SEMA3A: variants seen among roughly 807,000 people sequenced by gnomAD.
SEMA3A encodes the protein semaphorin 3A.
A neutral mutation model predicts 97.9 loss-of-function variants in SEMA3A; 29 were observed. The observed-to-expected ratio is 0.30, with a 90% confidence interval of 0.22 to 0.40. The LOEUF (loss-of-function observed/expected upper bound fraction) is 0.40. Ranked by LOEUF, SEMA3A falls within the 10% of genes least tolerant of loss-of-function variation. The pLI is 1.00. For missense variants in SEMA3A, 763 were observed against 951.3 expected, an observed-to-expected ratio of 0.80 and a Z score of 2.60; for synonymous variants, 321 against 323.7, an observed-to-expected ratio of 0.99 and a Z score of 0.09.
chr7:84,159,714 T>TA (rs144548483), intron 1 of SEMA3A, among the ~76,000 whole-genome samples: 5 of 151,020 alleles, frequency 3.3e-5, no homozygotes, highest in East Asian at 3.9e-4. Flanking sequence ...GAATAAACCA[T>TA]AAAAAAAAAT....
At chr7:84,401,859 T>C (rs1803913460) in intron 1 of SEMA3A, among the ~76,000 whole-genome samples, 1 of 152,132 alleles carries the variant, frequency 6.6e-6, no homozygotes, top group South Asian at 2.1e-4. Flanking sequence ...AAAAATCAAC[T>C]CTGGGTTAAA....
At chr7:84,401,122 A>C (rs1475795981) in intron 1 of SEMA3A, among the ~76,000 whole-genome samples, 2 of 152,222 alleles carry the variant, frequency 1.3e-5, no homozygotes, top group Non-Finnish European at 2.9e-5. Flanking sequence ...TAGAAACCTA[A>C]GATTTCTGCA....
rs558082973 is a variant in SEMA3A, at chr7:84,440,833, G to A, written c.-246+51627C>T. 9.2e-5 allele frequency among the ~76,000 whole-genome samples: 14 copies of A among 152,174 alleles called. No homozygotes were observed. In the South Asian group the frequency reaches 2.5e-3, roughly 27 times the overall value. ...CCAGTTTTCAACAAAAATTCACAAC[G>A]CACACAAAGAAACAGGAAAGTATGG... On this transcript the variant is annotated intron_variant, in intron 1 of 3. Coordinates refer to the SEMA3A transcript ENST00000424555.
intron 3 of SEMA3A, among the ~76,000 whole-genome samples, chr7:84,290,827 A>G (rs1289135546): frequency 1.3e-5 from 2 of 152,142 alleles, no homozygotes; most frequent in Non-Finnish European, 2.9e-5. Flanking sequence ...CCTCTTGAAA[A>G]GATTTTACAT....
rs1235946005 is a variant in SEMA3A, at chr7:84,135,636, G to A, written c.113-685C>T. Among the ~76,000 whole-genome samples the A allele has an allele frequency of 2.0e-5, 3 of 152,148 alleles. No homozygotes were observed. In the East Asian group the frequency reaches 5.8e-4, roughly 29 times the overall value. The stretch of plus-strand genomic sequence containing the variant: ...TTCATTTGTTCCAAGCCATTAGATA[G>A]AAGGATAAGCACAGAACCTAACAAA... On this transcript the variant is annotated intron_variant, in intron 1 of 16. Transcript: ENST00000265362.
At chr7:84,443,100 A>C (rs1328807736) in intron 1 of SEMA3A, among the ~76,000 whole-genome samples, 3 of 152,152 alleles carry the variant, frequency 2.0e-5, no homozygotes, top group Non-Finnish European at 2.9e-5. Flanking sequence ...TTTAAACAAC[A>C]CAACAAATGA....
intron 12 of SEMA3A, among the ~76,000 whole-genome samples, chr7:83,985,887 G>A (rs1417813671): frequency 6.6e-6 from 1 of 152,132 alleles, no homozygotes; most frequent in African/African-American, 2.4e-5. Context: ...GTAATTCTAT[G>A]CTTAAGTATC....
intron 3 of SEMA3A, among the ~76,000 whole-genome samples, chr7:84,126,437 C>T (rs930988033): frequency 6.6e-6 from 1 of 152,100 alleles, no homozygotes. Context: ...AACTTCTGAC[C>T]TCAAGTGATC....
At chr7:84,114,095 C>T (rs1053973602) in intron 3 of SEMA3A, among the ~76,000 whole-genome samples, 1 of 152,040 alleles carries the variant, frequency 6.6e-6, no homozygotes, top group Non-Finnish European at 1.5e-5. Context: ...TTTTCCTGGA[C>T]GGTTACAAAA....
chr7:84,368,906 G>C (rs369842859), intron 2 of SEMA3A, among the ~76,000 whole-genome samples: 1 of 150,790 alleles, frequency 6.6e-6, no homozygotes, highest in Non-Finnish European at 1.5e-5. Context: ...GTATACATTT[G>C]TGTATGCATA....
At chr7:84,327,267 A>G (rs559627777) in intron 2 of SEMA3A, among the ~76,000 whole-genome samples, 1 of 152,056 alleles carries the variant, frequency 6.6e-6, no homozygotes, top group Non-Finnish European at 1.5e-5. Context: ...ATTCTAGGCC[A>G]TTAGGTATGT....
chr7:84,124,393 G>T (rs1173543144), intron 3 of SEMA3A, among the ~76,000 whole-genome samples: 1 of 152,122 alleles, frequency 6.6e-6, no homozygotes, highest in African/African-American at 2.4e-5. Flanking sequence ...TAAATGTTCA[G>T]GTCAGTTCCT....
chr7:84,197,193 G>T (rs779543801), upstream of SEMA3A, among the ~76,000 whole-genome samples: 29 of 151,958 alleles, frequency 1.9e-4, no homozygotes, highest in Non-Finnish European at 4.1e-4. Context: ...ATATACACAC[G>T]ATTTTTTATA....
At chr7:84,303,273 G>A (rs899515426) in intron 3 of SEMA3A, among the ~76,000 whole-genome samples, 5 of 151,984 alleles carry the variant, frequency 3.3e-5, no homozygotes, top group African/African-American at 1.2e-4. Flanking sequence ...CTACTTGACC[G>A]GGTCACTAAG....
intron 2 of SEMA3A, among the ~76,000 whole-genome samples, chr7:84,319,160 T>G (rs1398856385): frequency 6.6e-6 from 1 of 152,108 alleles, no homozygotes; most frequent in African/African-American, 2.4e-5. Context: ...CTCAATGAAT[T>G]TGGATAACCA....
chr7:84,143,775 T>C (rs555073878), intron 1 of SEMA3A, among the ~76,000 whole-genome samples: 102 of 148,500 alleles, frequency 6.9e-4, no homozygotes, highest in African/African-American at 2.4e-3. Context: ...TGCTGTGAGC[T>C]ATGATTACAG....
At position 84,463,164 on chromosome 7, in the gene SEMA3A, G is replaced by A. The variant is rs527366694; in HGVS notation, c.-246+29296C>T. Reference sequence around the variant, plus strand: ...TCAGCACTCAGAATCTACATTCTGCGTGCATTATTCCAAGGCAATAATTGT... The same window carrying A: ...TCAGCACTCAGAATCTACATTCTGCATGCATTATTCCAAGGCAATAATTGT... On this transcript the variant is annotated intron_variant, in intron 1 of 3. Coordinates refer to the SEMA3A transcript ENST00000424555. Among the ~76,000 whole-genome samples the A allele has an allele frequency of 3.3e-5, 5 of 149,370 alleles. No homozygotes were observed. In the South Asian group the frequency reaches 6.3e-4, roughly 19 times the overall value.
At chr7:84,005,614 A>AT in intron 10 of SEMA3A, 56 bp from the exon 11 acceptor site, 1 of 1,176,928 alleles carries the variant, frequency 8.5e-7, no homozygotes, top group Non-Finnish European at 1.2e-6. Context: ...ACATAATTAT[A>AT]AATTATATAA....
At chr7:84,394,281 A>G (rs1803667265) in intron 1 of SEMA3A, among the ~76,000 whole-genome samples, 1 of 152,118 alleles carries the variant, frequency 6.6e-6, no homozygotes, top group South Asian at 2.1e-4. Flanking sequence ...CTTGCAGTTT[A>G]AAGTATTTTT....
Sources: allele counts gnomAD v4.1 joint callset (sites outside exome capture counted in the v4.1 genomes callset), GRCh38; gene constraint gnomAD v4.1.1; transcripts MANE v1.5; gene names NCBI Gene and HGNC (gene_info 2026-07-23, HGNC 2026-07-21).